The following XRCC4 variants were observed in gnomAD, a reference collection of about 807,000 sequenced individuals.
XRCC4 encodes DNA repair protein XRCC4.
In XRCC4, 28 loss-of-function variants were observed where a neutral mutation model predicts 39.1. The observed-to-expected ratio is 0.72, with a 90% confidence interval of 0.53 to 0.98. The LOEUF is 0.98. Ranked by LOEUF, XRCC4 falls within the 50% of genes least tolerant of loss-of-function variation. The pLI is 0.00. For missense variants in XRCC4, 350 were observed against 376.4 expected (o/e 0.93, Z 0.58); for synonymous variants, 123 against 126.4 (o/e 0.97, Z 0.18).
chr5:83,278,853 C>T (rs1580457850), intron 7 of XRCC4, among the ~76,000 whole-genome samples: 1 of 150,382 alleles, frequency 6.6e-6, no homozygotes, highest in Non-Finnish European at 1.5e-5. Flanking sequence ...CTGAGCGTGG[C>T]GACGTGTGCC....
intron 6 of XRCC4, among the ~76,000 whole-genome samples, chr5:83,234,988 C>T (rs1218281155): frequency 2.6e-5 from 4 of 150,960 alleles, no homozygotes; most frequent in African/African-American, 4.9e-5. Flanking sequence ...TAGCTTTTAT[C>T]GCATTAATAT....
At chr5:83,249,607 G>A (rs1200707402) in intron 6 of XRCC4, among the ~76,000 whole-genome samples, 3 of 152,096 alleles carry the variant, frequency 2.0e-5, no homozygotes, top group Non-Finnish European at 4.4e-5. Flanking sequence ...AAATGAAGTG[G>A]AAAGGTTTAT....
At chr5:83,261,367 T>C (rs1442937355) in intron 7 of XRCC4, among the ~76,000 whole-genome samples, 1 of 152,096 alleles carries the variant, frequency 6.6e-6, no homozygotes, top group Non-Finnish European at 1.5e-5. Context: ...TCATGTACCC[T>C]ATCTGTAGAC....
intron 7 of XRCC4, among the ~76,000 whole-genome samples, chr5:83,277,435 G>A (rs1368289315): frequency 1.3e-5 from 2 of 152,208 alleles, no homozygotes; most frequent in Non-Finnish European, 2.9e-5. Context: ...ATAGCACGGA[G>A]TGGAGCCCTC....
Position 83,306,967 on chromosome 5 carries a change from A to G in XRCC4, c.894-46164A>G, listed in dbSNP as rs539315578. 3.9e-5 allele frequency among the ~76,000 whole-genome samples: 6 copies of G among 152,310 alleles called. No individual in the cohort carries two copies. In the South Asian group the frequency reaches 1.0e-3, roughly 26 times the overall value. On this transcript the variant is annotated intron_variant, in intron 7 of 7. Coordinates refer to ENST00000396027, the MANE Select transcript of XRCC4 (RefSeq NM_003401.5). ...CATTGTTCAACTGTGGTCATACCTT[A>G]TTTCCATGGGAATAAGTAGTCTGAG...
chr5:83,078,974 C>A (rs1744810163), intron 1 of XRCC4, among the ~76,000 whole-genome samples: 1 of 152,148 alleles, frequency 6.6e-6, no homozygotes, highest in Non-Finnish European at 1.5e-5. Flanking sequence ...ATTTATCGAG[C>A]TTGGCTTTTA....
chr5:83,338,942 A>G (rs1756672347), intron 7 of XRCC4, among the ~76,000 whole-genome samples: 1 of 152,180 alleles, frequency 6.6e-6, no homozygotes. Context: ...CTTTTTATTG[A>G]AATCATAATA....
intron 3 of XRCC4, among the ~76,000 whole-genome samples, chr5:83,169,605 T>C (rs1561378059): frequency 6.6e-6 from 1 of 152,206 alleles, no homozygotes; most frequent in Non-Finnish European, 1.5e-5. Context: ...GGCCATCCTT[T>C]TACTAAGCTA....
intron 3 of XRCC4, among the ~76,000 whole-genome samples, chr5:83,163,164 C>G (rs915318070): frequency 3.3e-5 from 5 of 152,000 alleles, no homozygotes; most frequent in African/African-American, 1.2e-4. Flanking sequence ...CCAGGTTGGT[C>G]TTGAACTCCT....
chr5:83,147,985 A>C (rs549234637), intron 3 of XRCC4, among the ~76,000 whole-genome samples: 2 of 151,984 alleles, frequency 1.3e-5, no homozygotes, highest in South Asian at 4.2e-4. Flanking sequence ...ATGGGGTTTC[A>C]CCATGTTGAC....
chr5:83,233,126 C>T (rs1048152577), intron 6 of XRCC4, among the ~76,000 whole-genome samples: 2 of 152,096 alleles, frequency 1.3e-5, no homozygotes, highest in Non-Finnish European at 2.9e-5. Flanking sequence ...ACTAAGTTGT[C>T]AATTATCATA....
chr5:83,348,276 C>T (rs1401615906), intron 7 of XRCC4, among the ~76,000 whole-genome samples: 1 of 152,202 alleles, frequency 6.6e-6, no homozygotes, highest in Non-Finnish European at 1.5e-5. Flanking sequence ...TCTATCCACA[C>T]TGCCCTAGTA....
chr5:83,092,733 T>C (rs943153910), intron 1 of XRCC4, among the ~76,000 whole-genome samples: 5 of 152,022 alleles, frequency 3.3e-5, no homozygotes, highest in Admixed American at 2.0e-4. Flanking sequence ...ATATTCTTTG[T>C]AAGCCTCATG....
Position 83,311,157 on chromosome 5 carries a change from CACTG to C in XRCC4, c.894-41973_894-41970del, listed in dbSNP as rs200063425. ...GCTCATAAAGTCATAGGAAAGCCAG[CACTG>C]GGCTCTAGCAGGCCGGTGAGAGTGA... On this transcript the variant is annotated intron_variant, in intron 7 of 7. Coordinates refer to ENST00000396027, the MANE Select transcript of XRCC4 (RefSeq NM_003401.5). 7.1e-3 allele frequency: 1,328 copies of C among 186,534 alleles called. 12 individuals carry two copies. Among genetic ancestry groups the C allele is most frequent in the African/African-American group, 0.026 (1,082 of 42,280 alleles). 11.6% of individuals were successfully genotyped at this position (186,534 alleles called of 1,614,324 possible).
chr5:83,273,851 G>A lies in XRCC4; in HGVS notation c.893+15174G>A, dbSNP rs115103720. Reference sequence around the variant, plus strand: ...AGTATAGTTTGCAGTCAGGTAGCATGGTGCCACTAGCCTTGTTCTTTTTGC... The same window carrying A: ...AGTATAGTTTGCAGTCAGGTAGCATAGTGCCACTAGCCTTGTTCTTTTTGC... On this transcript the variant is annotated intron_variant, in intron 7 of 7. Transcript: ENST00000396027. 2.7e-3 allele frequency among the ~76,000 whole-genome samples: 403 copies of A among 152,064 alleles called. 3 individuals are homozygous for A. The highest frequency in any genetic ancestry group is 9.4e-3 in the African/African-American group (390 of 41,482).
intron 7 of XRCC4, among the ~76,000 whole-genome samples, chr5:83,278,009 T>G (rs920718275): frequency 6.6e-6 from 1 of 152,232 alleles, no homozygotes; most frequent in Non-Finnish European, 1.5e-5. Context: ...AAGCAGGTAG[T>G]AGGAGTAGGT....
chr5:83,288,321 A>AT (rs950186910), intron 7 of XRCC4, among the ~76,000 whole-genome samples: 1 of 151,800 alleles, frequency 6.6e-6, no homozygotes, highest in Non-Finnish European at 1.5e-5. Context: ...ATCCTTTCTG[A>AT]TTTTTTGCCT....
chr5:83,309,635 G>A (rs1219747754), intron 7 of XRCC4, among the ~76,000 whole-genome samples: 1 of 151,430 alleles, frequency 6.6e-6, no homozygotes, highest in Non-Finnish European at 1.5e-5. Context: ...GTGGTGGCGG[G>A]CGCCTGTAGT....
chr5:83,321,554 A>G (rs1756074901), intron 7 of XRCC4, among the ~76,000 whole-genome samples: 1 of 152,170 alleles, frequency 6.6e-6, no homozygotes, highest in East Asian at 1.9e-4. Context: ...GAAAATATTA[A>G]TAAGGTGAAT....
Sources: gnomAD v4.1 joint callset for allele counts (sites outside exome capture counted in the v4.1 genomes callset) on GRCh38, gnomAD v4.1.1 for gene constraint, MANE v1.5 for transcripts, NCBI Gene and HGNC (gene_info 2026-07-23, HGNC 2026-07-21) for gene names.